RASGRF2: variants seen among roughly 807,000 people sequenced by gnomAD.
The protein encoded by RASGRF2 is Ras protein specific guanine nucleotide releasing factor 2, also known as ras-specific guanine nucleotide-releasing factor 2.
Under a neutral mutation model 151.0 loss-of-function variants are expected in RASGRF2, and 76 were observed. The observed-to-expected ratio is 0.50, with a 90% CI of 0.42 to 0.61. RASGRF2 has a LOEUF of 0.61. RASGRF2 is among the 20% of genes least tolerant of loss of function. RASGRF2 has a pLI of 0.00. For missense variants in RASGRF2, 1,148 were observed against 1,564.6 expected, an observed-to-expected ratio of 0.73 and a Z score of 4.49; for synonymous variants, 504 against 566.5, an observed-to-expected ratio of 0.89 and a Z score of 1.57.
intron 1 of RASGRF2, among the ~76,000 whole-genome samples, chr5:80,994,740 A>G (rs1299716771): frequency 6.6e-6 from 1 of 152,204 alleles, no homozygotes; most frequent in Non-Finnish European, 1.5e-5. Flanking sequence ...AAGCATTATG[A>G]TTTGAAATCA....
At chr5:80,988,944 A>G (rs2112256833) in intron 1 of RASGRF2, among the ~76,000 whole-genome samples, 1 of 152,266 alleles carries the variant, frequency 6.6e-6, no homozygotes, top group Middle Eastern at 3.4e-3. Flanking sequence ...AATTAAGGTG[A>G]CATCCATTGA....
At chr5:80,999,058 G>T (rs1748993072) in intron 1 of RASGRF2, among the ~76,000 whole-genome samples, 1 of 151,952 alleles carries the variant, frequency 6.6e-6, no homozygotes, top group Non-Finnish European at 1.5e-5. Flanking sequence ...CTCACATTTT[G>T]GCAAATAGAC....
Position 81,183,315 on chromosome 5 carries a change from C to T in RASGRF2, c.2793+3034C>T, listed in dbSNP as rs1303406207. The T allele has an allele frequency of 2.2e-5, 22 of 981,800 alleles. 1 individual carries two copies. The highest frequency in any genetic ancestry group is 2.7e-5 in the Non-Finnish European group (22 of 826,768). The allele number at this position is 981,800 out of a possible 1,614,324, so 60.8% of individuals were successfully genotyped here. ...CATCTAATTATTTCTCACTTCTCAT[C>T]AAAGGTAACTAACATTGGCAGATAC... On this transcript the variant is annotated intron_variant, in intron 18 of 26. Coordinates refer to ENST00000265080, the MANE Select transcript of RASGRF2 (RefSeq NM_006909.3).
chr5:81,011,673 G>A (rs746082457), intron 1 of RASGRF2, among the ~76,000 whole-genome samples: 3 of 151,818 alleles, frequency 2.0e-5, no homozygotes, highest in African/African-American at 4.8e-5. Flanking sequence ...CCTGGGAGGC[G>A]GAGGTTGCCA....
intron 3 of RASGRF2, chr5:81,070,186 C>G (rs1043925390): frequency 6.1e-6 from 2 of 328,544 alleles, no homozygotes; most frequent in Non-Finnish European, 1.2e-5. Flanking sequence ...TCACTGGACT[C>G]CTGACAAGGT....
chr5:81,020,852 A>T (rs1749801137), intron 1 of RASGRF2, among the ~76,000 whole-genome samples: 1 of 152,214 alleles, frequency 6.6e-6, no homozygotes, highest in Non-Finnish European at 1.5e-5. Flanking sequence ...CAGGCACTGG[A>T]TGTCAGCTGC....
rs149879297 is a variant in RASGRF2, at chr5:81,208,403, C to G, written c.3121C>G (p.Pro1041Ala). The change falls in exon 22 of 27, where the codon CCT (proline) becomes GCT (alanine). Residue 1041 changes from proline (P) to alanine (A), a missense_variant. By Grantham distance (27) the Pro-to-Ala change is conservative. Coordinates refer to ENST00000265080, the MANE Select transcript of RASGRF2 (RefSeq NM_006909.3). ...GAAGCTGGATAAAAACGAAAGAACT[C>G]CTTACATTATGAAAACCAGCCAACA... ...WMKLDKNERT[P>A]YIMKTSQHFN... is the part of the protein sequence containing the mutation. 2 of 1,614,006 alleles carry G rather than the reference C, an allele frequency of 1.2e-6. No homozygotes were observed. Among genetic ancestry groups the G allele is most frequent in the Non-Finnish European group, 1.7e-6 (2 of 1,179,986 alleles).
At chr5:81,214,438 G>A (rs11953328) in intron 23 of RASGRF2, among the ~76,000 whole-genome samples, 2,543 of 152,340 alleles carry the variant, frequency 0.017, 70 homozygotes, top group African/African-American at 0.057. Context: ...CTGTACAGCT[G>A]TCCCTTCTCT....
At chr5:80,973,554 C>T (rs1009974828) in intron 1 of RASGRF2, among the ~76,000 whole-genome samples, 3 of 152,156 alleles carry the variant, frequency 2.0e-5, no homozygotes, top group Admixed American at 2.0e-4. Flanking sequence ...CCTGGAGGTC[C>T]CTTTAAGCTT....
intron 12 of RASGRF2, among the ~76,000 whole-genome samples, chr5:81,097,438 T>C (rs1752579327): frequency 6.6e-6 from 1 of 152,238 alleles, no homozygotes; most frequent in Non-Finnish European, 1.5e-5. Flanking sequence ...AACAAAATTT[T>C]CTTAACCTTT....
intron 17 of RASGRF2, among the ~76,000 whole-genome samples, chr5:81,145,159 G>T (rs1487081837): frequency 6.6e-6 from 1 of 152,078 alleles, no homozygotes; most frequent in Non-Finnish European, 1.5e-5. Context: ...AACCTGGGAG[G>T]TGGAGGTTGC....
At chr5:81,077,134 G>A (rs770134245) in intron 5 of RASGRF2, among the ~76,000 whole-genome samples, 2 of 152,180 alleles carry the variant, frequency 1.3e-5, no homozygotes, top group Non-Finnish European at 2.9e-5. Flanking sequence ...GGGGATTTAG[G>A]TCATGCTAGT....
intron 17 of RASGRF2, among the ~76,000 whole-genome samples, chr5:81,164,934 G>A (rs958318461): frequency 3.3e-5 from 5 of 152,202 alleles, no homozygotes; most frequent in Admixed American, 1.3e-4. Flanking sequence ...TCAACATTGA[G>A]CATTGAGCGG....
chr5:81,065,829 G>A (rs1279630044), intron 2 of RASGRF2, among the ~76,000 whole-genome samples: 1 of 152,068 alleles, frequency 6.6e-6, no homozygotes, highest in Admixed American at 6.5e-5. Flanking sequence ...TAGGTGCTGA[G>A]GATGTCTGGT....
chr5:81,073,712 G>A (rs1200020752), intron 5 of RASGRF2, among the ~76,000 whole-genome samples: 7 of 151,948 alleles, frequency 4.6e-5, no homozygotes, highest in Non-Finnish European at 7.4e-5. Context: ...TCCGCCTCCC[G>A]GGTTCACGCC....
intron 1 of RASGRF2, among the ~76,000 whole-genome samples, chr5:80,993,848 C>T (rs919871647): frequency 1.3e-5 from 2 of 152,146 alleles, no homozygotes; most frequent in Non-Finnish European, 2.9e-5. Flanking sequence ...TTGATGGTGG[C>T]CGCTGTGGGT....
intron 1 of RASGRF2, among the ~76,000 whole-genome samples, chr5:80,976,245 T>C (rs1748110960): frequency 6.6e-6 from 1 of 152,224 alleles, no homozygotes; most frequent in African/African-American, 2.4e-5. Context: ...TGTTTAATGC[T>C]AATTTGGGGT....
At chr5:80,991,301 A>AGT (rs368117390) in intron 1 of RASGRF2, among the ~76,000 whole-genome samples, 69 of 152,010 alleles carry the variant, frequency 4.5e-4, no homozygotes, top group African/African-American at 1.6e-3. Context: ...TCTACAGAAA[A>AGT]GTGTGTGTGT....
At chr5:81,147,632 G>C (rs541549671) in intron 17 of RASGRF2, among the ~76,000 whole-genome samples, 1 of 152,294 alleles carries the variant, frequency 6.6e-6, no homozygotes, top group Admixed American at 6.5e-5. Flanking sequence ...AGCCATGGGG[G>C]ACCAACTGTC....
Sources: allele counts gnomAD v4.1 joint callset (sites outside exome capture counted in the v4.1 genomes callset), GRCh38; gene constraint gnomAD v4.1.1; transcripts MANE v1.5; gene names NCBI Gene and HGNC (gene_info 2026-07-23, HGNC 2026-07-21).